The following SPAG17 variants were observed in gnomAD, a reference collection of about 807,000 sequenced individuals.
SPAG17 encodes sperm-associated antigen 17.
Under a neutral mutation model 273.6 loss-of-function variants are expected in SPAG17, and 169 were observed. The observed-to-expected ratio is 0.62, with a 90% CI of 0.55 to 0.70. SPAG17 has a LOEUF of 0.70. Among genes scored for constraint, SPAG17 ranks in the 30% least tolerant of loss-of-function variants. The pLI is 0.00. For missense variants in SPAG17, 2,557 were observed against 2,627.8 expected (o/e 0.97, Z 0.59); for synonymous variants, 825 against 873.2 (o/e 0.94, Z 0.97).
At chr1:118,079,238 T>A (rs927822945) in intron 15 of SPAG17, among the ~76,000 whole-genome samples, 2 of 152,082 alleles carry the variant, frequency 1.3e-5, no homozygotes, top group Non-Finnish European at 2.9e-5. Flanking sequence ...ATTACTGATA[T>A]AATTAATTGG....
At chr1:118,066,708 C>G in intron 18 of SPAG17, 37 bp downstream of exon 18, 1 of 1,581,554 alleles carries the variant, frequency 6.3e-7, no homozygotes, top group Middle Eastern at 1.7e-4. Flanking sequence ...TAACTAAACC[C>G]AACTAACTAA....
In SPAG17 at chr1:118,176,528, G is replaced by T. The variant is rs371203371; in HGVS notation, c.87+8543C>A. 4.2e-4 allele frequency among the ~76,000 whole-genome samples: 64 copies of T among 152,188 alleles called. 1 individual carries two copies. In the East Asian group the frequency reaches 0.011, roughly 27 times the overall value. ...AAGAAAATATAGCCATTATAAATAT[G>T]CATTCAATATCAGAGCTCCCAAGTA... On this transcript the variant is annotated intron_variant, in intron 1 of 48. Transcript: ENST00000336338.
intron 15 of SPAG17, among the ~76,000 whole-genome samples, chr1:118,077,180 T>C (rs1056902713): frequency 3.3e-5 from 5 of 152,162 alleles, no homozygotes; most frequent in Admixed American, 2.6e-4. Context: ...GAAGTAAGTA[T>C]GATTCAGAGT....
intron 28 of SPAG17, among the ~76,000 whole-genome samples, chr1:118,018,392 A>C (rs570225016): frequency 4.6e-5 from 7 of 152,310 alleles, no homozygotes; most frequent in African/African-American, 1.7e-4. Flanking sequence ...CCACAAGTAG[A>C]TCCTTATATA....
At chr1:118,064,543 A>G (rs1258785665) in intron 18 of SPAG17, among the ~76,000 whole-genome samples, 2 of 141,516 alleles carry the variant, frequency 1.4e-5, no homozygotes, top group African/African-American at 5.2e-5. Flanking sequence ...CAATGAGAAC[A>G]CATGGACACA....
intron 3 of SPAG17, among the ~76,000 whole-genome samples, chr1:118,142,247 A>G (rs1449920872): frequency 6.6e-6 from 1 of 152,208 alleles, no homozygotes; most frequent in African/African-American, 2.4e-5. Context: ...ATATGATTCC[A>G]TTTATATGAG....
chr1:117,990,869 A>G lies in SPAG17; in HGVS notation c.5513T>C (p.Val1838Ala). 1 of 1,572,192 alleles carries G rather than the reference A, an allele frequency of 6.4e-7. No individual in the cohort carries two copies. Among genetic ancestry groups the G allele is most frequent in the Non-Finnish European group, 8.7e-7 (1 of 1,153,476 alleles). ...PKMEETTKSH[V>A]TEVAAHLTDL... ...TATTAAATGCAACTTACCTTCAGTA[A>G]CATGACTTTTTGTAGTTTCCTCCAT... The change falls in exon 38 of 49, where the codon GTT becomes GCT. Residue 1838 changes from valine (V) to alanine (A), a missense_variant. Physicochemically the swap from Val to Ala is moderately conservative, Grantham distance 64. Transcript: ENST00000336338.
intron 25 of SPAG17, among the ~76,000 whole-genome samples, chr1:118,029,538 C>A (rs1020402792): frequency 9.6e-4 from 146 of 152,094 alleles, no homozygotes; most frequent in Non-Finnish European, 1.6e-4. Context: ...GCTTTTGTAG[C>A]AAATGAAAGT....
chr1:117,987,115 T>A (rs937032855), intron 40 of SPAG17, among the ~76,000 whole-genome samples: 5 of 152,170 alleles, frequency 3.3e-5, no homozygotes, highest in African/African-American at 9.6e-5. Flanking sequence ...ATAAAGACAC[T>A]CAGGTTTAGC....
At chr1:117,957,893 G>A (rs1652450669) in intron 48 of SPAG17, among the ~76,000 whole-genome samples, 1 of 152,164 alleles carries the variant, frequency 6.6e-6, no homozygotes, top group South Asian at 2.1e-4. Context: ...CTCTACAGGT[G>A]CAAATGGAAA....
chr1:117,972,182 C>G, intron 44 of SPAG17, 135 bp from the exon 45 acceptor site: 1 of 768,950 alleles, frequency 1.3e-6, no homozygotes, highest in South Asian at 2.0e-5. Context: ...CTCATGTCAT[C>G]CTTACAACAG....
At chr1:117,990,831 T>C (rs1177325943) in intron 38 of SPAG17, 30 bp downstream of exon 38, 1 of 1,458,386 alleles carries the variant, frequency 6.9e-7, no homozygotes, top group South Asian at 1.2e-5. Context: ...CTTGTAAATA[T>C]ACTGCAGAAG....
At chr1:117,997,055 A>C (rs569368675) in intron 32 of SPAG17, among the ~76,000 whole-genome samples, 2 of 152,150 alleles carry the variant, frequency 1.3e-5, no homozygotes, top group Non-Finnish European at 2.9e-5. Flanking sequence ...GGGAATTTAA[A>C]CATGGAGGAA....
chr1:118,181,204 A>G (rs1258032835), intron 1 of SPAG17, among the ~76,000 whole-genome samples: 1 of 152,132 alleles, frequency 6.6e-6, no homozygotes, highest in Non-Finnish European at 1.5e-5. Flanking sequence ...AAAGGCACCA[A>G]TGGAGGTAAC....
chr1:118,063,930 T>C (rs1652648150), intron 18 of SPAG17, among the ~76,000 whole-genome samples: 1 of 152,156 alleles, frequency 6.6e-6, no homozygotes, highest in Non-Finnish European at 1.5e-5. Context: ...GCGAAGGATA[T>C]GAACAGACAC....
intron 48 of SPAG17, chr1:117,960,887 T>C (rs1652988848): frequency 6.6e-6 from 1 of 152,260 alleles, no homozygotes; most frequent in South Asian, 2.1e-4. Context: ...AGTATCTACA[T>C]ATATTTTGTG....
At position 118,008,124 on chromosome 1, in the gene SPAG17, C is replaced by G. The variant is rs774826095; in HGVS notation, c.4507G>C (p.Ala1503Pro). The G allele has an allele frequency of 4.3e-6, 7 of 1,613,912 alleles. No individual in the cohort carries two copies. Among genetic ancestry groups the G allele is most frequent in the African/African-American group, 2.7e-5 (2 of 74,908 alleles). The change falls in exon 31 of 49, where the codon GCC (alanine) becomes CCC (proline). Residue 1503 changes from alanine (A) to proline (P), a missense_variant. By Grantham distance (27) the Ala-to-Pro change is conservative. Coordinates refer to ENST00000336338, the MANE Select transcript of SPAG17 (RefSeq NM_206996.4). ...VESSRYATVI[A>P]NCEDSSCCAT... ...CAGCAGCTACTGTCCTCACAGTTGG[C>G]GATAACAGTGGCATAGCGTGAGCTT... is the stretch of plus-strand genomic sequence containing the variant.
At chr1:118,097,879 C>T in intron 6 of SPAG17, 28 bp from the exon 7 acceptor site, 4 of 1,472,874 alleles carry the variant, frequency 2.7e-6, no homozygotes, top group Non-Finnish European at 3.7e-6. Flanking sequence ...TTTATATTAC[C>T]AAATGAGAGT....
chr1:118,136,932 A>T (rs909584255), intron 3 of SPAG17, among the ~76,000 whole-genome samples: 3 of 152,170 alleles, frequency 2.0e-5, no homozygotes, highest in Non-Finnish European at 2.9e-5. Flanking sequence ...GTTGGCAGGA[A>T]GAAGAATTCT....
Sources: gnomAD v4.1 joint callset for allele counts (sites outside exome capture counted in the v4.1 genomes callset) on GRCh38, gnomAD v4.1.1 for gene constraint, MANE v1.5 for transcripts, NCBI Gene and HGNC (gene_info 2026-07-23, HGNC 2026-07-21) for gene names.